Variants in ARHGAP42 observed in about 807,000 individuals in gnomAD.
ARHGAP42 encodes Rho GTPase activating protein 42.
Under a neutral mutation model 125.0 loss-of-function variants are expected in ARHGAP42, and 63 were observed. The observed-to-expected ratio is 0.50, with a 90% CI of 0.41 to 0.62. The LOEUF is 0.62. Among genes scored for constraint, ARHGAP42 ranks in the 20% least tolerant of loss-of-function variants. The probability of loss-of-function intolerance (pLI) is 0.00; values close to 1 mark genes in which losing one functional copy is unlikely to be tolerated. For missense variants in ARHGAP42, 766 were observed against 1,024.2 expected, an observed-to-expected ratio of 0.75 and a Z score of 3.44; for synonymous variants, 339 against 351.0, an observed-to-expected ratio of 0.97 and a Z score of 0.38.
intron 10 of ARHGAP42, 34 bp downstream of exon 10, chr11:100,943,902 T>A (rs544066824): frequency 7.4e-7 from 1 of 1,356,672 alleles, no homozygotes; most frequent in South Asian, 1.3e-5. Context: ...ATTTTTTTCA[T>A]AAGCTAAACG....
In ARHGAP42 at chr11:100,761,153, A is replaced by G. The variant is rs1591159125; in HGVS notation, c.155-9190A>G. Among the ~76,000 whole-genome samples, 4 of 152,278 alleles carry G rather than the reference A, an allele frequency of 2.6e-5. No homozygotes were observed. In the Middle Eastern group the frequency reaches 0.014, roughly 521 times the overall value. On this transcript the variant is annotated intron_variant, in intron 1 of 23. Transcript: ENST00000298815. ...TAAAGAAAAAAAAAAGGTAAAGGAG[A>G]TACTTCAGAAAATGTTGCTTGGGCT...
chr11:100,913,159 G>T (rs1866970352), intron 4 of ARHGAP42, among the ~76,000 whole-genome samples: 1 of 152,098 alleles, frequency 6.6e-6, no homozygotes, highest in Non-Finnish European at 1.5e-5. Context: ...TAGCCAGCCT[G>T]GCCCCTACCC....
chr11:100,808,382 T>G (rs1282681591), intron 3 of ARHGAP42, among the ~76,000 whole-genome samples: 6 of 151,528 alleles, frequency 4.0e-5, no homozygotes, highest in Admixed American at 1.3e-4. Flanking sequence ...TTTGGGATAA[T>G]TATAAATTCA....
chr11:100,804,989 A>G (rs497438), intron 3 of ARHGAP42, among the ~76,000 whole-genome samples: 2,635 of 152,266 alleles, frequency 0.017, 83 homozygotes, highest in African/African-American at 0.06. Flanking sequence ...TTATATTTCT[A>G]TGGGGCAGCA....
Position 100,795,095 on chromosome 11 carries a change from T to G in ARHGAP42, c.251-10T>G. The stretch of plus-strand genomic sequence containing the variant: ...ATTAATTCTTTGCATTTTTTTATCT[T>G]TCCAAACAGCTCAGTCACTAAAAGA... On this transcript the variant is annotated splice_polypyrimidine_tract_variant and intron_variant, in intron 2 of 23. Coordinates refer to ENST00000298815, the MANE Select transcript of ARHGAP42 (RefSeq NM_152432.4). 6.5e-7 allele frequency: 1 copy of G among 1,537,048 alleles called. No individual in the cohort carries two copies.
intron 1 of ARHGAP42, among the ~76,000 whole-genome samples, chr11:100,725,505 A>AT (rs1368490816): frequency 6.6e-6 from 1 of 151,926 alleles, no homozygotes; most frequent in Non-Finnish European, 1.5e-5. Context: ...ATGACTTAAG[A>AT]ATTACGGCTA....
At chr11:100,864,078 C>G (rs1352737637) in intron 4 of ARHGAP42, among the ~76,000 whole-genome samples, 1 of 152,074 alleles carries the variant, frequency 6.6e-6, no homozygotes, top group Non-Finnish European at 1.5e-5. Flanking sequence ...GTGTTGGAAA[C>G]CTCCTTGTTC....
chr11:100,697,180 G>T (rs1211777586), intron 1 of ARHGAP42, among the ~76,000 whole-genome samples: 3 of 137,064 alleles, frequency 2.2e-5, no homozygotes, highest in Non-Finnish European at 4.8e-5. Flanking sequence ...TTGTTGTTTT[G>T]GTTTTTTTTT....
At position 100,993,320 on chromosome 11, in the gene ARHGAP42, GCATATA is replaced by G. The variant is rs1565312125; in HGVS notation, c.*4526_*4531del. ...GCACACCTTTAATCTCTATATGGCA[GCATATA>G]CATATATATATATAAAATGCACACT... On this transcript the variant is annotated 3_prime_UTR_variant, in exon 24 of 24. Coordinates refer to ENST00000298815, the MANE Select transcript of ARHGAP42 (RefSeq NM_152432.4). 1 of 162,398 alleles carries G rather than the reference GCATATA, an allele frequency of 6.2e-6. No homozygotes were observed. Among genetic ancestry groups the G allele is most frequent in the Non-Finnish European group, 1.5e-5 (1 of 65,966 alleles). The allele number at this position is 162,398 out of a possible 1,614,324, so 10.1% of individuals were successfully genotyped here.
chr11:100,782,090 G>T (rs1863329330), intron 2 of ARHGAP42, among the ~76,000 whole-genome samples: 1 of 152,150 alleles, frequency 6.6e-6, no homozygotes, highest in Non-Finnish European at 1.5e-5. Flanking sequence ...TGATATTGAA[G>T]AAAACCAGGA....
chr11:100,916,054 T>C (rs905943480), intron 5 of ARHGAP42, among the ~76,000 whole-genome samples: 1 of 152,200 alleles, frequency 6.6e-6, no homozygotes, highest in Non-Finnish European at 1.5e-5. Context: ...TGACTCCTTA[T>C]TCATTTTGTT....
rs371849628 is a variant in ARHGAP42, at chr11:100,741,132, G to T, written c.155-29211G>T. ...TTCAGCCTCCATCTCCTGGGTTCAA[G>T]CGATTCTCCTGCCTCAGCCTCCTGA... On this transcript the variant is annotated intron_variant, in intron 1 of 23. Transcript: ENST00000298815. Among the ~76,000 whole-genome samples, 14 of 152,322 alleles carry T rather than the reference G, an allele frequency of 9.2e-5. No homozygotes were observed. The East Asian group carries it at 2.5e-3, about 27-fold the overall frequency.
Position 100,950,246 on chromosome 11 carries a change from A to G in ARHGAP42, c.1162+290A>G, listed in dbSNP as rs1040428360. 3.4e-5 allele frequency among the ~76,000 whole-genome samples: 5 copies of G among 145,186 alleles called. No homozygotes were observed. The Admixed American group carries it at 3.6e-4, about 10-fold the overall frequency. ...TATTTAGCTCAATTATTTATATAAA[A>G]TATATAATATATAATTATATTATAT... is the stretch of plus-strand genomic sequence containing the variant. On this transcript the variant is annotated intron_variant, in intron 12 of 23. Coordinates refer to ENST00000298815, the MANE Select transcript of ARHGAP42 (RefSeq NM_152432.4).
At chr11:100,773,293 TA>T (rs1229377064) in intron 2 of ARHGAP42, among the ~76,000 whole-genome samples, 1 of 152,232 alleles carries the variant, frequency 6.6e-6, no homozygotes, top group Non-Finnish European at 1.5e-5. Flanking sequence ...TAAACTTTAA[TA>T]TTTTTCACTT....
At chr11:100,802,643 G>C (rs1282008881) in intron 3 of ARHGAP42, among the ~76,000 whole-genome samples, 1 of 151,670 alleles carries the variant, frequency 6.6e-6, no homozygotes, top group Admixed American at 6.6e-5. Context: ...CTGTTGGCGA[G>C]TCTCAAACTC....
At chr11:100,923,967 T>C (rs79797759) in intron 6 of ARHGAP42, among the ~76,000 whole-genome samples, 4 of 152,282 alleles carry the variant, frequency 2.6e-5, no homozygotes, top group Admixed American at 6.5e-5. Context: ...GTTATGCATT[T>C]ACAAATTAAT....
At chr11:100,727,264 A>G (rs1861878466) in intron 1 of ARHGAP42, among the ~76,000 whole-genome samples, 1 of 152,226 alleles carries the variant, frequency 6.6e-6, no homozygotes. Flanking sequence ...ATGTGATATA[A>G]TTTAAATATA....
At chr11:100,950,864 T>C (rs1030878815) in intron 12 of ARHGAP42, among the ~76,000 whole-genome samples, 8 of 152,220 alleles carry the variant, frequency 5.3e-5, no homozygotes, top group African/African-American at 1.9e-4. Flanking sequence ...CCCTGACATT[T>C]ACTTTTCTTA....
At chr11:100,879,252 C>A (rs150403499) in intron 4 of ARHGAP42, among the ~76,000 whole-genome samples, 277 of 152,126 alleles carry the variant, frequency 1.8e-3, no homozygotes, top group African/African-American at 5.5e-3. Context: ...TTTTTGGTAT[C>A]CACATCTCTG....
Sources: allele counts gnomAD v4.1 joint callset (sites outside exome capture counted in the v4.1 genomes callset), GRCh38; gene constraint gnomAD v4.1.1; transcripts MANE v1.5; gene names NCBI Gene and HGNC (gene_info 2026-07-23, HGNC 2026-07-21).